ADPRHL1: variants seen among roughly 807,000 people sequenced by gnomAD.
ADPRHL1 encodes inactive ADP-ribosyltransferase ARH2.
ADPRHL1 carries 43 observed loss-of-function variants against 44.1 expected under a neutral mutation model. That is an observed-to-expected ratio of 0.98 (90% CI 0.76 to 1.26). The LOEUF (loss-of-function observed/expected upper bound fraction) is 1.26, where lower values mean the gene tolerates loss of function less well. Among genes scored for constraint, ADPRHL1 ranks in the 50% most tolerant of loss-of-function variants. ADPRHL1 has a pLI of 0.00. For synonymous variants in ADPRHL1, 878 were observed against 1,017.4 expected, an observed-to-expected ratio of 0.86 and a Z score of 2.61; for missense variants, 2,022 against 2,496.9, an observed-to-expected ratio of 0.81 and a Z score of 4.05.
chr13:113,412,554 G>A (rs2043860141), intron 7 of ADPRHL1, among the ~76,000 whole-genome samples: 1 of 152,248 alleles, frequency 6.6e-6, no homozygotes, highest in Non-Finnish European at 1.5e-5. Context: ...CCCCACTAGA[G>A]CAGAGCCCCT....
At position 113,403,274 on chromosome 13, in the gene ADPRHL1, T is replaced by C. The variant is rs533281605; in HGVS notation, c.*104A>G. 4.0e-5 allele frequency: 39 copies of C among 971,338 alleles called. No homozygotes were observed. The African/African-American group carries it at 5.2e-4, about 13-fold the overall frequency. The allele number at this position is 971,338 out of a possible 1,614,324, so 60.2% of individuals were successfully genotyped here. ...AGAAAATTATGGAAACAGGCGTCTC[T>C]GTAGGGGATGCTCCAAGACGCATTT... On this transcript the variant is annotated 3_prime_UTR_variant, in exon 8 of 8. Transcript: ENST00000612156.
rs2043795967 is a variant in ADPRHL1 at position 113,404,982 on chromosome 13, C to T, written c.4300G>A (p.Gly1434Ser). 3 of 1,234,766 alleles carry T rather than the reference C, an allele frequency of 2.4e-6. No individual in the cohort carries two copies. Among genetic ancestry groups the T allele is most frequent in the South Asian group, 4.0e-5 (1 of 24,836 alleles). The allele number at this position is 1,234,766 out of a possible 1,614,324, so 76.5% of individuals were successfully genotyped here. The change falls in exon 8 of 8, where the codon GGC becomes AGC. Residue 1434 changes from glycine (G) to serine (S), a missense_variant. By Grantham distance (56) the Gly-to-Ser change is moderately conservative. Coordinates refer to ENST00000612156, the MANE Select transcript of ADPRHL1 (RefSeq NM_001394807.1). ...GDKGMAIGVGGACQRSDQGQQ... is the reference protein window; with the variant it reads ...GDKGMAIGVGSACQRSDQGQQ... The stretch of plus-strand genomic sequence containing the variant: ...CCTTGGTCACTGCGCTGGCAGGCGC[C>T]CCCAACCCCAATGGCCATCCCTTTG...
Position 113,405,523 on chromosome 13 carries a change from G to A in ADPRHL1, c.3759C>T (p.Asn1253=). 1.3e-5 allele frequency: 16 copies of A among 1,232,094 alleles called. No individual in the cohort carries two copies. Among genetic ancestry groups the A allele is most frequent in the Non-Finnish European group, 1.5e-5 (15 of 988,266 alleles). The allele number at this position is 1,232,094 out of a possible 1,614,324, so 76.3% of individuals were successfully genotyped here. Residue 1253 remains asparagine (N), a synonymous_variant, in exon 8 of 8, where the codon AAC becomes AAT. Coordinates refer to ENST00000612156, the MANE Select transcript of ADPRHL1 (RefSeq NM_001394807.1). ...CAGACTCTGTGCTGAAACCCAAAAG[G>A]TTTCCTTCCACAGCCACATCCTTTC... ...GGRKDVAVEG[N]LLGFSTESGI...
Position 113,443,446 on chromosome 13 carries a change from G to GA in ADPRHL1, c.379+978dup, listed in dbSNP as rs112291276. On this transcript the variant is annotated intron_variant, in intron 2 of 7. Coordinates refer to ENST00000612156, the MANE Select transcript of ADPRHL1 (RefSeq NM_001394807.1). ...AACATGGTGAAACCCCTTCTCTACA[G>GA]AAAAAAAAAAAACAACCAAAACATT... Among the ~76,000 whole-genome samples, 443 of 129,904 alleles carry GA rather than the reference G, an allele frequency of 3.4e-3. 1 individual carries two copies. Among genetic ancestry groups the GA allele is most frequent in the Admixed American group, 4.4e-3 (56 of 12,740 alleles). The allele number at this position is 129,904 out of a possible 152,430, so 85.2% of individuals were successfully genotyped here. A position where few individuals can be genotyped will look rare whatever the true frequency, so the allele number is the denominator to read the frequency against.
Position 113,407,270 on chromosome 13 carries a change from C to G in ADPRHL1, c.2012G>C (p.Gly671Ala). The G allele has an allele frequency of 8.1e-7, 1 of 1,232,130 alleles. No homozygotes were observed. Among genetic ancestry groups the G allele is most frequent in the Non-Finnish European group, 1.0e-6 (1 of 988,100 alleles). The allele number at this position is 1,232,130 out of a possible 1,614,324, so 76.3% of individuals were successfully genotyped here. A position where few individuals can be genotyped will look rare whatever the true frequency, so the allele number is the denominator to read the frequency against. ...ETGPSGNKAV[G>A]KGPLEEEPQR... ...GGGCTCCTCCTCCAGGGGCCCCTTT[C>G]CCACTGCTTTGTTCCCACTGGGCCC... The change falls in exon 8 of 8, where the codon GGA becomes GCA. Residue 671 changes from glycine (G) to alanine (A), a missense_variant. Coordinates refer to ENST00000612156, the MANE Select transcript of ADPRHL1 (RefSeq NM_001394807.1).
In ADPRHL1 at chr13:113,429,044, T is replaced by C. The variant is rs1009069798; in HGVS notation, c.554A>G (p.Gln185Arg). The C allele has an allele frequency of 1.4e-5, 22 of 1,612,754 alleles. No homozygotes were observed. Among genetic ancestry groups the C allele is most frequent in the Non-Finnish European group, 1.8e-5 (21 of 1,179,956 alleles). The change falls in exon 4 of 8, where the codon CAA becomes CGA. Residue 185 changes from glutamine (Q) to arginine (R), a missense_variant. Around this residue, in one of 8 missense-constraint regions of ADPRHL1, gnomAD observed 437 missense variants for 430.7 expected, o/e 1.01. Coordinates refer to ENST00000612156, the MANE Select transcript of ADPRHL1 (RefSeq NM_001394807.1). ...CCCCCACTGGACCAGGGGCTTTCCT[T>C]GTGCGGCGAACGACACAAACAGGGC... ...CTALFVSFAA[Q>R]GKPLVQWGRD...
chr13:113,433,972 A>G (rs2044027001), intron 2 of ADPRHL1, 105 bp from the exon 3 acceptor site: 2 of 1,419,702 alleles, frequency 1.4e-6, no homozygotes, highest in African/African-American at 1.4e-5. Flanking sequence ...TTTGTGTAAT[A>G]ACATGTTATC....
Position 113,406,154 on chromosome 13 carries a change from G to T in ADPRHL1, c.3128C>A (p.Ala1043Glu). The change falls in exon 8 of 8, where the codon GCG (alanine) becomes GAG (glutamate). Residue 1043 changes from alanine (A) to glutamate (E), a missense_variant. Ala to Glu is a moderately radical substitution (Grantham distance 107, BLOSUM62 -1). Around this residue, in one of 8 missense-constraint regions of ADPRHL1, gnomAD observed 1,221 missense variants for 1,517.8 expected, o/e 0.80. Coordinates refer to ENST00000612156, the MANE Select transcript of ADPRHL1 (RefSeq NM_001394807.1). ...RNPTGAPTSL[A>E]ASSKGRTGPE... ...CCCCGTACGCCCCTTGGATGATGCC[G>T]CCAGTGACGTGGGGGCTCCTGTTGG... The T allele has an allele frequency of 8.1e-7, 1 of 1,232,160 alleles. No homozygotes were observed. The highest frequency in any genetic ancestry group is 1.0e-6 in the Non-Finnish European group (1 of 987,988). The allele number at this position is 1,232,160 out of a possible 1,614,324, so 76.3% of individuals were successfully genotyped here. A position where few individuals can be genotyped will look rare whatever the true frequency, so the allele number is the denominator to read the frequency against.
chr13:113,444,122 G>A (rs112664052), intron 2 of ADPRHL1, among the ~76,000 whole-genome samples: 4 of 150,648 alleles, frequency 2.7e-5, no homozygotes, highest in Non-Finnish European at 5.9e-5. Context: ...GCCCCTGCCC[G>A]TATTCCTTAA....
At position 113,403,707 on chromosome 13, in the gene ADPRHL1, C is replaced by T. The variant is rs1307215282; in HGVS notation, c.5575G>A (p.Ala1859Thr). The T allele has an allele frequency of 3.2e-6, 4 of 1,231,946 alleles. No individual in the cohort carries two copies. The highest frequency in any genetic ancestry group is 4.1e-5 in the South Asian group (1 of 24,324). 76.3% of individuals were successfully genotyped at this position (1,231,946 alleles called of 1,614,324 possible). The change falls in exon 8 of 8, where the codon GCC (alanine) becomes ACC (threonine). Residue 1859 changes from alanine (A) to threonine (T), a missense_variant. Physicochemically the swap from Ala to Thr is moderately conservative, Grantham distance 58. This residue lies in a region of ADPRHL1 where 205 missense variants were observed against 250.1 expected (regional missense o/e 0.82). Coordinates refer to ENST00000612156, the MANE Select transcript of ADPRHL1 (RefSeq NM_001394807.1). ...SGGSGLGEPSAGYPPPGSRPL... is the reference protein window; with the variant it reads ...SGGSGLGEPSTGYPPPGSRPL... Reference sequence around the variant, plus strand: ...CGGCTTCCTGGGGGTGGGTACCCGGCGCTGGGCTCCCCCAGGCCACTGCCC... The same window carrying T: ...CGGCTTCCTGGGGGTGGGTACCCGGTGCTGGGCTCCCCCAGGCCACTGCCC...
chr13:113,406,723 C>T lies in ADPRHL1; in HGVS notation c.2559G>A (p.Met853Ile). ...ITVQIPVVHE[M>I]PAPPTRLQNM... ...TTTGCAGCCTGGTGGGAGGGGCTGG[C>T]ATTTCATGGACAACTGGAATTTGGA... Residue 853 changes from methionine (M) to isoleucine (I), a missense_variant, in exon 8 of 8, where the codon ATG (methionine) becomes ATA (isoleucine). Physicochemically the swap from Met to Ile is conservative, Grantham distance 10. Around this residue, in one of 8 missense-constraint regions of ADPRHL1, gnomAD observed 1,221 missense variants for 1,517.8 expected, o/e 0.80. Transcript: ENST00000612156. The T allele has an allele frequency of 8.1e-7, 1 of 1,231,992 alleles. No individual in the cohort carries two copies. Among genetic ancestry groups the T allele is most frequent in the Non-Finnish European group, 1.0e-6 (1 of 987,986 alleles). 76.3% of individuals were successfully genotyped at this position (1,231,992 alleles called of 1,614,324 possible).
At chr13:113,412,767 CAACA>C in intron 7 of ADPRHL1, among the ~76,000 whole-genome samples, 1 of 148,856 alleles carries the variant, frequency 6.7e-6, no homozygotes, top group Admixed American at 6.7e-5. Flanking sequence ...CACCCACCGC[CAACA>C]GCGCCCCGCA....
At position 113,416,127 on chromosome 13, in the gene ADPRHL1, A is replaced by G. The variant is rs137935836; in HGVS notation, c.1061+6699T>C. Among the ~76,000 whole-genome samples the G allele has an allele frequency of 7.8e-3, 1,189 of 151,534 alleles. 18 individuals carry two copies. Among genetic ancestry groups the G allele is most frequent in the African/African-American group, 0.026 (1,087 of 41,258 alleles). ...GGTCACCGTCTATCTAGTAAAGCCGAGAACAAGTGTTTGCTAACTGCTCCC... is the reference window on the plus strand; with the variant it reads ...GGTCACCGTCTATCTAGTAAAGCCGGGAACAAGTGTTTGCTAACTGCTCCC... On this transcript the variant is annotated intron_variant, in intron 7 of 7. Transcript: ENST00000612156.
chr13:113,452,257 C>T lies in ADPRHL1; in HGVS notation c.214+967G>A, dbSNP rs1054513676. ...GACGCCAAGGCTGTGAACAGTCGGA[C>T]GCCTCCCCGTCTCCAGCAAGCCGGG... is the stretch of plus-strand genomic sequence containing the variant. On this transcript the variant is annotated intron_variant, in intron 1 of 7. Coordinates refer to ENST00000612156, the MANE Select transcript of ADPRHL1 (RefSeq NM_001394807.1). 2.6e-5 allele frequency among the ~76,000 whole-genome samples: 4 copies of T among 152,296 alleles called. No homozygotes were observed. The East Asian group carries it at 5.8e-4, about 22-fold the overall frequency.
chr13:113,440,310 C>G (rs72666954), intron 2 of ADPRHL1, among the ~76,000 whole-genome samples: 2 of 152,110 alleles, frequency 1.3e-5, no homozygotes, highest in East Asian at 1.9e-4. Context: ...TTTGTTATGT[C>G]CCCCTGATGA....
chr13:113,411,430 T>C (rs1436087670), intron 7 of ADPRHL1, among the ~76,000 whole-genome samples: 1 of 152,198 alleles, frequency 6.6e-6, no homozygotes, highest in African/African-American at 2.4e-5. Context: ...TTATGAGTCA[T>C]AGTGGCTCAA....
chr13:113,433,079 G>A (rs534441195), intron 3 of ADPRHL1, among the ~76,000 whole-genome samples: 27 of 149,592 alleles, frequency 1.8e-4, no homozygotes, highest in African/African-American at 6.4e-4. Flanking sequence ...CGGAAGTGCC[G>A]TGTTAAGGGG....
chr13:113,419,215 T>A (rs2043903556), intron 7 of ADPRHL1, among the ~76,000 whole-genome samples: 1 of 145,534 alleles, frequency 6.9e-6, no homozygotes, highest in South Asian at 2.3e-4. Flanking sequence ...CTGGCAATCC[T>A]CCCACCTCAG....
intron 1 of ADPRHL1, among the ~76,000 whole-genome samples, chr13:113,448,465 CAA>C (rs61278696): frequency 1.8e-4 from 7 of 39,840 alleles, no homozygotes; most frequent in East Asian, 8.1e-4. Flanking sequence ...GACTATGTCC[CAA>C]AAAAAAAAAA....
Sources: allele counts gnomAD v4.1 joint callset (sites outside exome capture counted in the v4.1 genomes callset), GRCh38; gene constraint gnomAD v4.1.1; regional missense constraint gnomAD v4.1.1; transcripts MANE v1.5; gene names NCBI Gene and HGNC (gene_info 2026-07-23, HGNC 2026-07-21).